Variants in SLC19A2 observed in about 807,000 individuals in gnomAD.
The protein encoded by SLC19A2 is solute carrier family 19 member 2, also known as thiamine transporter 1.
In SLC19A2, 27 loss-of-function variants were observed where a neutral mutation model predicts 44.7. The ratio of observed to expected loss-of-function variants is 0.60; its 90% CI spans 0.45 to 0.83. The LOEUF (loss-of-function observed/expected upper bound fraction) is 0.83. Ranked by LOEUF, SLC19A2 falls within the 40% of genes least tolerant of loss-of-function variation. The pLI is 0.00. For missense variants in SLC19A2, 566 were observed against 613.7 expected (o/e 0.92, Z 0.82); for synonymous variants, 239 against 243.6 (o/e 0.98, Z 0.18).
At chr1:169,479,797 G>C (rs1658404749) in intron 1 of SLC19A2, among the ~76,000 whole-genome samples, 1 of 152,162 alleles carries the variant, frequency 6.6e-6, no homozygotes, top group Non-Finnish European at 1.5e-5. Context: ...CCTAATCCCA[G>C]ACTTTTACAT....
intron 2 of SLC19A2, among the ~76,000 whole-genome samples, chr1:169,473,854 G>C (rs1030853104): frequency 6.6e-6 from 1 of 151,228 alleles, no homozygotes; most frequent in African/African-American, 2.4e-5. Context: ...GAGCTGTTCC[G>C]GATTATTCAC....
At chr1:169,472,340 G>A (rs1459009441) in intron 2 of SLC19A2, among the ~76,000 whole-genome samples, 2 of 152,118 alleles carry the variant, frequency 1.3e-5, no homozygotes, top group Non-Finnish European at 2.9e-5. Context: ...AAACTTTCAA[G>A]GATGCTGGAA....
In SLC19A2 at chr1:169,466,092, C is replaced by T. The variant is rs144038494; in HGVS notation, c.1366-115G>A. The T allele has an allele frequency of 9.1e-5, 109 of 1,203,894 alleles. 2 individuals carry two copies. The Admixed American group carries it at 2.0e-3, about 22-fold the overall frequency. The allele number at this position is 1,203,894 out of a possible 1,614,324, so 74.6% of individuals were successfully genotyped here. ...CAAAAAATATTGCATACTTACACCA[C>T]GTGCCAGACCCTGAAGACACAAAGC... On this transcript the variant is annotated intron_variant, in intron 5 of 5. Coordinates refer to ENST00000236137, the MANE Select transcript of SLC19A2 (RefSeq NM_006996.3).
intron 4 of SLC19A2, 114 bp from the exon 5 acceptor site, chr1:169,468,366 C>CTGTCAA (rs1223869522): frequency 1.1e-6 from 1 of 916,174 alleles, no homozygotes; most frequent in Non-Finnish European, 1.6e-6. Flanking sequence ...CTTCTTTCTA[C>CTGTCAA]TGTCAATTGC....
At chr1:169,470,861 T>C (rs1198926832) in intron 2 of SLC19A2, among the ~76,000 whole-genome samples, 2 of 152,194 alleles carry the variant, frequency 1.3e-5, no homozygotes, top group African/African-American at 4.8e-5. Context: ...CTCTGTGAGA[T>C]ATCTCTGATT....
At chr1:169,479,621 C>T (rs772659366) in intron 1 of SLC19A2, among the ~76,000 whole-genome samples, 1 of 152,218 alleles carries the variant, frequency 6.6e-6, no homozygotes, top group Non-Finnish European at 1.5e-5. Flanking sequence ...CTGACAAGGA[C>T]ATCTGGGGCA....
chr1:169,472,070 C>T (rs1658199384), intron 2 of SLC19A2, among the ~76,000 whole-genome samples: 1 of 152,138 alleles, frequency 6.6e-6, no homozygotes, highest in South Asian at 2.1e-4. Flanking sequence ...AAGATAACCA[C>T]CTAGAAGTAC....
chr1:169,477,719 G>A lies in SLC19A2; in HGVS notation c.243C>T (p.Tyr81=), dbSNP rs749352944. The A allele has an allele frequency of 1.2e-5, 19 of 1,611,552 alleles. No individual in the cohort carries two copies. The highest frequency in any genetic ancestry group is 1.6e-5 in the Non-Finnish European group (19 of 1,178,646). The change falls in exon 2 of 6, where the codon TAC becomes TAT. Residue 81 remains tyrosine (Y), a synonymous_variant. Coordinates refer to ENST00000236137, the MANE Select transcript of SLC19A2 (RefSeq NM_006996.3). ...GGAACACAGGAAACAGTAGCACCAG[G>A]TAAGAGTAAGTCCATACTGGATAAA... ...NEIYPVWTYS[Y]LVLLFPVFLA...
intron 2 of SLC19A2, among the ~76,000 whole-genome samples, chr1:169,471,275 G>A (rs1658169808): frequency 6.6e-6 from 1 of 152,000 alleles, no homozygotes. Context: ...TAATCTTTGG[G>A]TGGTAGTAGT....
intron 1 of SLC19A2, among the ~76,000 whole-genome samples, chr1:169,480,278 C>T (rs1658413965): frequency 6.6e-6 from 1 of 151,978 alleles, no homozygotes; most frequent in Admixed American, 6.6e-5. Flanking sequence ...CTTGTCATTC[C>T]TTTGTGGCCT....
intron 1 of SLC19A2, among the ~76,000 whole-genome samples, chr1:169,482,311 G>A (rs767374980): frequency 1.3e-5 from 2 of 151,940 alleles, no homozygotes; most frequent in African/African-American, 2.4e-5. Context: ...AGGCCAAGTT[G>A]GACAGATCAC....
At chr1:169,483,581 A>G (rs1455451138) in intron 1 of SLC19A2, among the ~76,000 whole-genome samples, 1 of 152,220 alleles carries the variant, frequency 6.6e-6, no homozygotes. Flanking sequence ...GCAAATAGTT[A>G]CTACGCCTGG....
In SLC19A2 at chr1:169,470,215, ACT is replaced by A. The variant is rs776730789; in HGVS notation, c.808-31_808-30del. The A allele has an allele frequency of 1.2e-5, 19 of 1,590,082 alleles. No homozygotes were observed. In the East Asian group the frequency reaches 1.3e-4, roughly 11 times the overall value. On this transcript the variant is annotated intron_variant, in intron 2 of 5. Transcript: ENST00000236137. ...CATAGCAAAAGGGAACAATGCTCAA[ACT>A]CTGATGAAGGCAATTATATAGAAAG...
rs1308106766 is a variant in SLC19A2, at chr1:169,464,709, CAA to C, written c.*1138_*1139del. 7.2e-5 allele frequency: 11 copies of C among 152,436 alleles called. No homozygotes were observed. The highest frequency in any genetic ancestry group is 1.6e-4 in the Non-Finnish European group (11 of 67,970). 9.4% of individuals were successfully genotyped at this position (152,436 alleles called of 1,614,324 possible). ...AGTAACTTGGTAATGAAATCACTAG[CAA>C]TTTTAAGCAAATATTCAAGATGATC... On this transcript the variant is annotated 3_prime_UTR_variant, in exon 6 of 6. Coordinates refer to ENST00000236137, the MANE Select transcript of SLC19A2 (RefSeq NM_006996.3).
rs1658546490 is a variant in SLC19A2, at chr1:169,485,731, C to T, written c.36G>A (p.Ala12=). 1 of 1,531,640 alleles carries T rather than the reference C, an allele frequency of 6.5e-7. No homozygotes were observed. Among genetic ancestry groups the T allele is most frequent in the Non-Finnish European group, 8.7e-7 (1 of 1,143,856 alleles). The allele number at this position is 1,531,640 out of a possible 1,614,324, so 94.9% of individuals were successfully genotyped here. A position where few individuals can be genotyped will look rare whatever the true frequency, so the allele number is the denominator to read the frequency against. The change falls in exon 1 of 6, where the codon GCG becomes GCA. Residue 12 remains alanine, a synonymous_variant. Coordinates refer to ENST00000236137, the MANE Select transcript of SLC19A2 (RefSeq NM_006996.3). ...GCAGGAGCACAGTGGCCGCCGCCGC[C>T]GCCGCCCGCCGAGACACCGGGCCGG... ...DVPGPVSRRA[A]AAAATVLLRT... is the part of the protein sequence containing the mutation.
chr1:169,485,420 A>G, intron 1 of SLC19A2, 143 bp downstream of exon 1: 1 of 873,854 alleles, frequency 1.1e-6, no homozygotes, highest in South Asian at 1.5e-5. Flanking sequence ...CACAAAGAAG[A>G]GCACGAAGCC....
chr1:169,469,542 A>G (rs1422580185), intron 3 of SLC19A2, among the ~76,000 whole-genome samples: 1 of 152,174 alleles, frequency 6.6e-6, no homozygotes, highest in Non-Finnish European at 1.5e-5. Context: ...TATCTCAGGA[A>G]TTTTGTGAGG....
chr1:169,483,308 T>C (rs1658482745), intron 1 of SLC19A2, among the ~76,000 whole-genome samples: 1 of 152,212 alleles, frequency 6.6e-6, no homozygotes, highest in African/African-American at 2.4e-5. Context: ...AAAAATCATG[T>C]AATTTTTTTT....
chr1:169,482,535 T>C (rs1334278934), intron 1 of SLC19A2, among the ~76,000 whole-genome samples: 1 of 152,130 alleles, frequency 6.6e-6, no homozygotes, highest in Non-Finnish European at 1.5e-5. Flanking sequence ...AGCAAGACTG[T>C]CTCTAAATAA....
Sources: allele counts gnomAD v4.1 joint callset (sites outside exome capture counted in the v4.1 genomes callset), GRCh38; gene constraint gnomAD v4.1.1; transcripts MANE v1.5; gene names NCBI Gene and HGNC (gene_info 2026-07-23, HGNC 2026-07-21).